Variants in TOR1AIP2 observed in about 807,000 individuals in gnomAD.
TOR1AIP2 encodes torsin-1A-interacting protein 2.
A neutral mutation model predicts 32.6 loss-of-function variants in TOR1AIP2; 20 were observed. The ratio of observed to expected loss-of-function variants is 0.61; its 90% CI spans 0.43 to 0.89. TOR1AIP2 has a LOEUF of 0.89. Among genes scored for constraint, TOR1AIP2 ranks in the 40% least tolerant of loss-of-function variants. TOR1AIP2 has a pLI of 0.00. For synonymous variants in TOR1AIP2, 214 were observed against 210.8 expected (o/e 1.02, Z -0.13); for missense variants, 456 against 553.8 (o/e 0.82, Z 1.77).
intron 2 of TOR1AIP2, chr1:179,873,831 G>C (rs1218933271): frequency 6.6e-6 from 1 of 152,020 alleles, no homozygotes; most frequent in Non-Finnish European, 1.5e-5. Context: ...TCATTTTATT[G>C]CTCAAATTGT....
At chr1:179,862,689 A>C (rs1384172371) in intron 3 of TOR1AIP2, 1 of 974,428 alleles carries the variant, frequency 1.0e-6, no homozygotes, top group East Asian at 1.1e-4. Flanking sequence ...GCACTGTCGG[A>C]GGTCAGGGCA....
chr1:179,852,188 G>A (rs1696139624), intron 4 of TOR1AIP2, among the ~76,000 whole-genome samples: 1 of 151,822 alleles, frequency 6.6e-6, no homozygotes, highest in Admixed American at 6.6e-5. Context: ...GCTGAAGCAT[G>A]AGAATCACTC....
At chr1:179,850,258 CAGTTA>C (rs1233385751) in intron 5 of TOR1AIP2, among the ~76,000 whole-genome samples, 4 of 151,724 alleles carry the variant, frequency 2.6e-5, no homozygotes, top group South Asian at 4.1e-4. Context: ...CCTCCAGTTC[CAGTTA>C]AGGATTTAGC....
chr1:179,864,882 T>C, intron 3 of TOR1AIP2: 1 of 1,614,038 alleles, frequency 6.2e-7, no homozygotes, highest in Non-Finnish European at 8.5e-7. Context: ...TCATGTATTC[T>C]TTTTCTAACC....
At chr1:179,864,286 T>C (rs1157820375) in intron 3 of TOR1AIP2, 1 of 985,044 alleles carries the variant, frequency 1.0e-6, no homozygotes, top group Admixed American at 6.1e-5. Flanking sequence ...TCTATTTATA[T>C]ATATATCTCA....
At chr1:179,869,911 T>C (rs989290558) in intron 2 of TOR1AIP2, among the ~76,000 whole-genome samples, 3 of 152,238 alleles carry the variant, frequency 2.0e-5, no homozygotes, top group African/African-American at 7.2e-5. Flanking sequence ...CTAACACTTA[T>C]GGAGTGCTAT....
chr1:179,864,667 A>T (rs752180502), intron 3 of TOR1AIP2: 172 of 1,486,332 alleles, frequency 1.2e-4, no homozygotes, highest in Non-Finnish European at 1.4e-4. Flanking sequence ...CAATTTAAGC[A>T]GTTCCCAAAG....
At position 179,847,629 on chromosome 1, in the gene TOR1AIP2, T is replaced by G. The variant is rs75169009; in HGVS notation, c.561A>C (p.Gly187=). The G allele has an allele frequency of 6.2e-4, 991 of 1,609,196 alleles. 12 individuals are homozygous for G. In the African/African-American group the frequency reaches 0.012, roughly 19 times the overall value. Residue 187 remains glycine, a synonymous_variant, in exon 6 of 7, where the codon GGA becomes GGC. Transcript: ENST00000609928. ...ATTTTTGTGTTTGTTGTGGATGACT[T>G]CCAGCCTCTGGAGAGGAAAAGAATC... ...LRRRLLAPEA[G]SHPQQTQKLE...
chr1:179,876,126 C>T (rs1408553433), intron 2 of TOR1AIP2: 3 of 152,108 alleles, frequency 2.0e-5, no homozygotes, highest in Admixed American at 6.6e-5. Context: ...CTTTTTGAAG[C>T]AAACATTCCT....
intron 2 of TOR1AIP2, among the ~76,000 whole-genome samples, chr1:179,869,766 C>G (rs1021738069): frequency 2.6e-5 from 4 of 152,104 alleles, no homozygotes; most frequent in Non-Finnish European, 4.4e-5. Context: ...AGGGAAGTTG[C>G]TATTTCACAT....
At chr1:179,848,448 T>G (rs1320973476) in intron 5 of TOR1AIP2, among the ~76,000 whole-genome samples, 1 of 152,160 alleles carries the variant, frequency 6.6e-6, no homozygotes, top group South Asian at 2.1e-4. Context: ...AATTTGAAAC[T>G]CTTAGTGAAG....
chr1:179,855,629 G>T (rs1259734614), intron 3 of TOR1AIP2, among the ~76,000 whole-genome samples: 4 of 152,148 alleles, frequency 2.6e-5, no homozygotes, highest in Admixed American at 2.6e-4. Context: ...ACTTTAGAGA[G>T]AAATATGGCA....
At chr1:179,852,346 G>A (rs1696149108) in intron 4 of TOR1AIP2, among the ~76,000 whole-genome samples, 1 of 151,632 alleles carries the variant, frequency 6.6e-6, no homozygotes, top group African/African-American at 2.4e-5. Flanking sequence ...TAACTCTAAA[G>A]ATTTGTCTAC....
chr1:179,865,921 G>C (rs943933786), intron 2 of TOR1AIP2, 67 bp from the exon 3 acceptor site: 1 of 152,616 alleles, frequency 6.6e-6, no homozygotes, highest in African/African-American at 2.4e-5. Flanking sequence ...TTAGAAACAT[G>C]CATTTGGAAA....
intron 3 of TOR1AIP2, 88 bp from the exon 4 acceptor site, chr1:179,852,899 G>T: frequency 1.0e-6 from 1 of 1,003,536 alleles, no homozygotes; most frequent in Non-Finnish European, 1.3e-6. Flanking sequence ...AATATGTGTA[G>T]CTTGAGTACT....
chr1:179,847,001 CTCT>C (rs1695932373), intron 6 of TOR1AIP2, among the ~76,000 whole-genome samples, 173 bp from the exon 7 acceptor site: 1 of 152,186 alleles, frequency 6.6e-6, no homozygotes, highest in Non-Finnish European at 1.5e-5. Flanking sequence ...TTTCTCTAAT[CTCT>C]TCTCAGATTT....
In TOR1AIP2 at chr1:179,846,336, TC is replaced by T; in HGVS notation, c.1147del (p.Asp383IlefsTer14). On this transcript the variant is annotated frameshift_variant, in exon 7 of 7. Coordinates refer to ENST00000609928, the MANE Select transcript of TOR1AIP2 (RefSeq NM_001199260.2). LOFTEE classifies it high-confidence loss of function. ...GSTLIFYKYC[D>X]HENAAFKDVA... ...ATCTTTAAAGGCAGCATTCTCATGATCACAATACTTATAGAAGATCAAAGTG... is the reference window on the plus strand; with the variant it reads ...ATCTTTAAAGGCAGCATTCTCATGATACAATACTTATAGAAGATCAAAGTG... The T allele has an allele frequency of 6.2e-7, 1 of 1,614,220 alleles. No homozygotes were observed. The highest frequency in any genetic ancestry group is 1.1e-5 in the South Asian group (1 of 91,084).
At position 179,840,531 on chromosome 1, in the gene TOR1AIP2, T is replaced by C. The variant is rs762006951; in HGVS notation, c.*5540A>G. On this transcript the variant is annotated 3_prime_UTR_variant, in exon 7 of 7. Transcript: ENST00000609928. ...AAGCGGGCACAGATAATGCAGATAA[T>C]ACTGGAAGGAAAGGTACTGAAGACT... The C allele has an allele frequency of 1.3e-5, 2 of 152,144 alleles. No homozygotes were observed. Among genetic ancestry groups the C allele is most frequent in the African/African-American group, 2.4e-5 (1 of 41,404 alleles). 9.4% of individuals were successfully genotyped at this position (152,144 alleles called of 1,614,324 possible). A position where few individuals can be genotyped will look rare whatever the true frequency, so the allele number is the denominator to read the frequency against.
chr1:179,847,609 T>C lies in TOR1AIP2; in HGVS notation c.581A>G (p.Gln194Arg). ...PEAGSHPQQTQKLEEIKENAQ... is the reference protein window; with the variant it reads ...PEAGSHPQQTRKLEEIKENAQ... ...ATTCTCTTTAATTTCTTCCAATTTT[T>C]GTGTTTGTTGTGGATGACTTCCAGC... The change falls in exon 6 of 7, where the codon CAA becomes CGA. Residue 194 changes from glutamine (Q) to arginine (R), a missense_variant. Coordinates refer to ENST00000609928, the MANE Select transcript of TOR1AIP2 (RefSeq NM_001199260.2). 6.2e-7 allele frequency: 1 copy of C among 1,614,030 alleles called. No homozygotes were observed. Among genetic ancestry groups the C allele is most frequent in the Non-Finnish European group, 8.5e-7 (1 of 1,179,878 alleles).
Sources: gnomAD v4.1 joint callset for allele counts (sites outside exome capture counted in the v4.1 genomes callset) on GRCh38, gnomAD v4.1.1 for gene constraint, MANE v1.5 for transcripts, NCBI Gene and HGNC (gene_info 2026-07-23, HGNC 2026-07-21) for gene names.